The following LRRC7 variants were observed in gnomAD, a reference collection of about 807,000 sequenced individuals.
LRRC7 encodes leucine rich repeat containing 7, also known as leucine-rich repeat-containing protein 7.
Under a neutral mutation model 175.7 loss-of-function variants are expected in LRRC7, and 23 were observed. That is an observed-to-expected ratio of 0.13 (90% confidence interval 0.09 to 0.19). LRRC7 has a LOEUF of 0.19. Among genes scored for constraint, LRRC7 ranks in the 10% least tolerant of loss-of-function variants. The pLI, the probability that LRRC7 is intolerant of heterozygous loss-of-function variation, is 1.00. For missense variants in LRRC7, 1,354 were observed against 1,904.7 expected (o/e 0.71, Z 5.38); for synonymous variants, 685 against 680.9 (o/e 1.01, Z -0.09).
chr1:69,910,023 G>A (rs887935551), intron 7 of LRRC7, among the ~76,000 whole-genome samples: 15 of 151,520 alleles, frequency 9.9e-5, no homozygotes, highest in Admixed American at 3.3e-4. Flanking sequence ...CATTCATTTC[G>A]TCTTCCATCA....
Position 70,039,199 on chromosome 1 carries a change from A to G in LRRC7, c.3375A>G (p.Ser1125=). ...RGYPPMEQMF[S]FSQPSVNEDA... ...ACCCACCGATGGAGCAAATGTTTTCATTTTCTCAGCCATCTGTGAATGAGG... is the reference window on the plus strand; with the variant it reads ...ACCCACCGATGGAGCAAATGTTTTCGTTTTCTCAGCCATCTGTGAATGAGG... The change falls in exon 21 of 27, where the codon TCA becomes TCG. Residue 1125 remains serine (S), a synonymous_variant. Transcript: ENST00000651989. The G allele has an allele frequency of 6.2e-7, 1 of 1,614,026 alleles. No homozygotes were observed. The highest frequency in any genetic ancestry group is 8.5e-7 in the Non-Finnish European group (1 of 1,179,980).
chr1:70,111,673 T>C (rs1385334902), intron 26 of LRRC7, among the ~76,000 whole-genome samples: 1 of 152,202 alleles, frequency 6.6e-6, no homozygotes, highest in Non-Finnish European at 1.5e-5. Flanking sequence ...ATTATAGTTA[T>C]TCTGTTGAAA....
chr1:69,707,165 A>G (rs12089086), intron 2 of LRRC7, among the ~76,000 whole-genome samples: 2,751 of 152,244 alleles, frequency 0.018, 81 homozygotes, highest in African/African-American at 0.064. Flanking sequence ...TCCCATGTCC[A>G]TTTGATCCTT....
chr1:69,768,171 C>G (rs1393764570), intron 3 of LRRC7, among the ~76,000 whole-genome samples: 1 of 152,188 alleles, frequency 6.6e-6, no homozygotes, highest in East Asian at 1.9e-4. Context: ...TCCTCCCCAA[C>G]TCTTTAGAAA....
rs539087112 is a variant in LRRC7, at chr1:69,672,692, A to G, written c.3-5689A>G. On this transcript the variant is annotated intron_variant, in intron 1 of 26. Coordinates refer to ENST00000651989, the MANE Select transcript of LRRC7 (RefSeq NM_001370785.2). ...TCCTATGTCCTCCTCCATCAAGTGT[A>G]AATCTATTTCAACTAGATTTTCATG... Among the ~76,000 whole-genome samples the G allele has an allele frequency of 1.5e-4, 23 of 152,302 alleles. 1 individual carries two copies. In the East Asian group the frequency reaches 4.4e-3, roughly 29 times the overall value.
intron 1 of LRRC7, among the ~76,000 whole-genome samples, chr1:69,661,899 A>C (rs563258234): frequency 4.6e-5 from 7 of 152,144 alleles, no homozygotes; most frequent in Admixed American, 4.6e-4. Flanking sequence ...AAAGCATTAC[A>C]TTCCCTCCAC....
intron 17 of LRRC7, among the ~76,000 whole-genome samples, chr1:70,024,697 A>T (rs1159293567): frequency 1.3e-5 from 2 of 152,050 alleles, no homozygotes; most frequent in Non-Finnish European, 2.9e-5. Context: ...CTATATATTT[A>T]GATATATACA....
At chr1:69,725,947 C>T (rs1484316780) in intron 2 of LRRC7, among the ~76,000 whole-genome samples, 2 of 152,148 alleles carry the variant, frequency 1.3e-5, no homozygotes, top group East Asian at 1.9e-4. Flanking sequence ...GGGCCTGGAC[C>T]CTACCTGTAG....
intron 24 of LRRC7, among the ~76,000 whole-genome samples, chr1:70,085,396 C>G (rs1362805909): frequency 6.6e-6 from 1 of 152,050 alleles, no homozygotes; most frequent in Non-Finnish European, 1.5e-5. Context: ...CTTCTTTCTC[C>G]CAGTGAATTA....
chr1:70,075,983 G>A (rs140223321), intron 23 of LRRC7, 94 bp from the exon 24 acceptor site: 15 of 1,326,990 alleles, frequency 1.1e-5, no homozygotes, highest in African/African-American at 5.8e-5. Context: ...AAATGGTGCC[G>A]CTTTACCAGA....
chr1:69,687,620 T>A (rs1661346285), intron 2 of LRRC7, among the ~76,000 whole-genome samples: 1 of 150,746 alleles, frequency 6.6e-6, no homozygotes, highest in South Asian at 2.1e-4. Flanking sequence ...TTTTCTGAAA[T>A]CAACCTGAGT....
At chr1:69,781,763 G>GAGAGAGAA (rs1557719849) in intron 3 of LRRC7, among the ~76,000 whole-genome samples, 4 of 39,222 alleles carry the variant, frequency 1.0e-4, no homozygotes, top group Non-Finnish European at 1.7e-4. Flanking sequence ...GAGAGAGAGA[G>GAGAGAGAA]AGAAAGAAAG....
At chr1:69,631,533 C>A (rs879685543) in intron 1 of LRRC7, among the ~76,000 whole-genome samples, 2 of 152,076 alleles carry the variant, frequency 1.3e-5, no homozygotes, top group Non-Finnish European at 2.9e-5. Context: ...TGTTTGACAT[C>A]ATTATGGCCA....
chr1:69,812,544 GA>G (rs970630422), intron 4 of LRRC7, among the ~76,000 whole-genome samples: 2 of 151,818 alleles, frequency 1.3e-5, no homozygotes, highest in African/African-American at 4.8e-5. Context: ...TCTCAAAATT[GA>G]AAAATAAAAT....
chr1:69,714,305 A>G (rs575694539), intron 2 of LRRC7, among the ~76,000 whole-genome samples: 1 of 152,362 alleles, frequency 6.6e-6, no homozygotes, highest in African/African-American at 2.4e-5. Context: ...AAATTTTTAA[A>G]AGTATGAAGT....
intron 6 of LRRC7, among the ~76,000 whole-genome samples, chr1:69,837,913 G>C (rs1296894256): frequency 6.6e-6 from 1 of 151,252 alleles, no homozygotes; most frequent in Non-Finnish European, 1.5e-5. Flanking sequence ...GTTTACCATA[G>C]TAAAATTTAT....
At chr1:70,045,778 G>A (rs969547440) in intron 22 of LRRC7, among the ~76,000 whole-genome samples, 2 of 152,112 alleles carry the variant, frequency 1.3e-5, no homozygotes, top group Admixed American at 6.6e-5. Context: ...GGTGGAAGGC[G>A]AAGGAGGAGC....
chr1:69,617,948 A>G (rs186676881), intron 1 of LRRC7, among the ~76,000 whole-genome samples: 2 of 152,256 alleles, frequency 1.3e-5, no homozygotes, highest in African/African-American at 4.8e-5. Context: ...GTTGGGGCAT[A>G]ATCAGAGGGA....
At chr1:69,813,898 A>C (rs1678268173) in intron 4 of LRRC7, among the ~76,000 whole-genome samples, 1 of 152,178 alleles carries the variant, frequency 6.6e-6, no homozygotes, top group Admixed American at 6.6e-5. Flanking sequence ...AATGTTTGGA[A>C]TAAGATATAT....
Sources: allele counts gnomAD v4.1 joint callset (sites outside exome capture counted in the v4.1 genomes callset), GRCh38; gene constraint gnomAD v4.1.1; transcripts MANE v1.5; gene names NCBI Gene and HGNC (gene_info 2026-07-23, HGNC 2026-07-21).